Variants in FGF14 observed in about 807,000 individuals in gnomAD.
The protein encoded by FGF14 is fibroblast growth factor 14.
Under a neutral mutation model 25.5 loss-of-function variants are expected in FGF14, and 5 were observed. The ratio of observed to expected loss-of-function variants is 0.20; its 90% CI spans 0.10 to 0.41. The LOEUF (loss-of-function observed/expected upper bound fraction) is 0.41, where lower values mean the gene tolerates loss of function less well. FGF14 is among the 10% of genes least tolerant of loss of function. The probability of loss-of-function intolerance (pLI) is 1.00; values close to 1 mark genes in which losing one functional copy is unlikely to be tolerated. For missense variants in FGF14, 222 were observed against 320.1 expected, an observed-to-expected ratio of 0.69 and a Z score of 2.34; for synonymous variants, 138 against 118.3, an observed-to-expected ratio of 1.17 and a Z score of -1.08.
chr13:101,969,360 G>A (rs1044857786), intron 1 of FGF14, among the ~76,000 whole-genome samples: 5 of 152,072 alleles, frequency 3.3e-5, no homozygotes, highest in South Asian at 2.1e-4. Context: ...TCAGGAGATC[G>A]AGACCATCCT....
intron 1 of FGF14, among the ~76,000 whole-genome samples, chr13:101,968,618 A>G (rs548109257): frequency 6.8e-6 from 1 of 148,096 alleles, no homozygotes; most frequent in East Asian, 2.1e-4. Flanking sequence ...GCTTGCAGTG[A>G]GCTGAGATCG....
chr13:101,869,668 T>G (rs1238867322), intron 2 of FGF14, among the ~76,000 whole-genome samples: 3 of 152,170 alleles, frequency 2.0e-5, no homozygotes, highest in African/African-American at 7.2e-5. Flanking sequence ...TGAGGTTATC[T>G]GCTGCTACTC....
At chr13:102,038,029 A>G (rs940348178) in intron 1 of FGF14, among the ~76,000 whole-genome samples, 3 of 152,190 alleles carry the variant, frequency 2.0e-5, no homozygotes, top group African/African-American at 7.2e-5. Flanking sequence ...GGTGAGGTAC[A>G]GAAGGAAATA....
At chr13:102,118,584 A>G (rs1055649247) in intron 1 of FGF14, among the ~76,000 whole-genome samples, 2 of 152,148 alleles carry the variant, frequency 1.3e-5, no homozygotes, top group African/African-American at 2.4e-5. Context: ...AGACATTAAC[A>G]GTAGGTTTTC....
Position 102,096,828 on chromosome 13 carries a change from T to C in FGF14, c.209-221532A>G, listed in dbSNP as rs529206395. ...TCAGGAAGAAAAAGAAACTGGGCCA[T>C]ATATAAGCTAGGACCTTGCTTGAAC... On this transcript the variant is annotated intron_variant, in intron 1 of 4. Transcript: ENST00000376131. 1.8e-4 allele frequency among the ~76,000 whole-genome samples: 27 copies of C among 152,210 alleles called. No homozygotes were observed. In the South Asian group the frequency reaches 5.6e-3, roughly 32 times the overall value.
chr13:101,780,586 A>G (rs1177745996), intron 3 of FGF14, among the ~76,000 whole-genome samples: 1 of 152,156 alleles, frequency 6.6e-6, no homozygotes, highest in East Asian at 1.9e-4. Context: ...ACAGTGTATA[A>G]TGACACATGG....
intron 1 of FGF14, among the ~76,000 whole-genome samples, chr13:101,901,835 C>T (rs1364430775): frequency 6.6e-6 from 1 of 152,114 alleles, no homozygotes; most frequent in Non-Finnish European, 1.5e-5. Flanking sequence ...AATTACTTAA[C>T]ATCTGTCAGT....
intron 1 of FGF14, among the ~76,000 whole-genome samples, chr13:102,392,561 T>C (rs1432429521): frequency 6.6e-6 from 1 of 152,226 alleles, no homozygotes; most frequent in East Asian, 1.9e-4. Context: ...TCCTACTTGC[T>C]GTTAAAAGCT....
chr13:101,771,176 TG>T (rs2038746600), intron 3 of FGF14, among the ~76,000 whole-genome samples: 1 of 151,984 alleles, frequency 6.6e-6, no homozygotes, highest in Admixed American at 6.6e-5. Flanking sequence ...TTCTTTCCCA[TG>T]GAAAGATTCA....
intron 1 of FGF14, among the ~76,000 whole-genome samples, chr13:102,281,684 T>C (rs2053839324): frequency 6.6e-6 from 1 of 151,044 alleles, no homozygotes; most frequent in African/African-American, 2.4e-5. Context: ...GCTCTGATCC[T>C]AACTTCTTTT....
chr13:101,769,662 G>C (rs995667876), intron 3 of FGF14, among the ~76,000 whole-genome samples: 20 of 152,190 alleles, frequency 1.3e-4, no homozygotes, highest in African/African-American at 4.6e-4. Flanking sequence ...AACAGACATG[G>C]AATAAACTTA....
chr13:101,895,271 C>A (rs1315300346), intron 1 of FGF14, among the ~76,000 whole-genome samples: 8 of 152,040 alleles, frequency 5.3e-5, no homozygotes, highest in Non-Finnish European at 7.4e-5. Context: ...TTAAAGAAAT[C>A]ATTGGATTTT....
chr13:101,952,103 A>G (rs2036203890), intron 1 of FGF14, among the ~76,000 whole-genome samples: 1 of 152,154 alleles, frequency 6.6e-6, no homozygotes, highest in Non-Finnish European at 1.5e-5. Flanking sequence ...TATTTTGTTC[A>G]TATTTTTTTT....
chr13:101,790,385 T>A (rs913551313), intron 3 of FGF14, among the ~76,000 whole-genome samples: 18 of 150,624 alleles, frequency 1.2e-4, no homozygotes, highest in African/African-American at 4.4e-4. Context: ...TGGGGTAGAT[T>A]TACTAGCTGG....
intron 1 of FGF14, among the ~76,000 whole-genome samples, chr13:102,092,923 A>C (rs780665305): frequency 6.6e-6 from 1 of 152,182 alleles, no homozygotes; most frequent in Non-Finnish European, 1.5e-5. Context: ...AGGCAGCATG[A>C]AGCATAAGGT....
At chr13:101,724,167 T>C (rs1188388336) in intron 4 of FGF14, among the ~76,000 whole-genome samples, 2 of 152,062 alleles carry the variant, frequency 1.3e-5, no homozygotes, top group African/African-American at 4.8e-5. Flanking sequence ...GACAAAAGCA[T>C]GAAGCATTGA....
chr13:101,953,558 A>ATG lies in FGF14; in HGVS notation c.209-78264_209-78263dup, dbSNP rs369170619. Among the ~76,000 whole-genome samples the ATG allele has an allele frequency of 1.6e-4, 24 of 148,364 alleles. 1 individual carries two copies. The highest frequency in any genetic ancestry group is 8.7e-4 in the South Asian group (4 of 4,596). On this transcript the variant is annotated intron_variant, in intron 1 of 4. Transcript: ENST00000376131. ...TACCTTTCTGTATGTGTATATATAT[A>ATG]TGTGTGTGTGTGTATATATATATAT...
chr13:102,215,707 G>A (rs1020637454), intron 1 of FGF14, among the ~76,000 whole-genome samples: 7 of 152,110 alleles, frequency 4.6e-5, no homozygotes, highest in Non-Finnish European at 1.0e-4. Context: ...ATATAATTCT[G>A]ATTAGAACAT....
At chr13:101,978,453 A>C (rs1450269624) in intron 1 of FGF14, among the ~76,000 whole-genome samples, 1 of 152,232 alleles carries the variant, frequency 6.6e-6, no homozygotes, top group African/African-American at 2.4e-5. Context: ...AGCATCCAAA[A>C]AACACTGTTA....
Sources: gnomAD v4.1 joint callset for allele counts (sites outside exome capture counted in the v4.1 genomes callset) on GRCh38, gnomAD v4.1.1 for gene constraint, MANE v1.5 for transcripts, NCBI Gene and HGNC (gene_info 2026-07-23, HGNC 2026-07-21) for gene names.